The following ARHGAP6 variants were observed in gnomAD, a reference collection of about 807,000 sequenced individuals.
ARHGAP6 encodes the protein rho GTPase-activating protein 6.
ARHGAP6 carries 16 observed loss-of-function variants against 55.7 expected under a neutral mutation model. The ratio of observed to expected loss-of-function variants is 0.29; its 90% CI spans 0.19 to 0.44. ARHGAP6 has a LOEUF of 0.44. Among genes scored for constraint, ARHGAP6 ranks in the 20% least tolerant of loss-of-function variants. The pLI is 1.00. For synonymous variants in ARHGAP6, 382 were observed against 360.9 expected (o/e 1.06, Z -0.66); for missense variants, 698 against 808.9 (o/e 0.86, Z 1.66).
intron 1 of ARHGAP6, among the ~76,000 whole-genome samples, chrX:11,438,392 T>C (rs1447462198): frequency 8.9e-6 from 1 of 112,796 alleles, no homozygotes; most frequent in Non-Finnish European, 1.9e-5. Context: ...CACTGTTTCA[T>C]CAATCATTTC....
At chrX:11,515,854 C>A (rs1364951617) in intron 1 of ARHGAP6, among the ~76,000 whole-genome samples, 1 of 112,598 alleles carries the variant, frequency 8.9e-6, no homozygotes, top group Non-Finnish European at 1.9e-5. Flanking sequence ...ATTGGTATTT[C>A]TAAAACAAAA....
intron 1 of ARHGAP6, among the ~76,000 whole-genome samples, chrX:11,315,884 C>T (rs2048354870): frequency 1.8e-5 from 2 of 111,796 alleles, no homozygotes; most frequent in African/African-American, 3.3e-5. Context: ...CTGATAGTTA[C>T]CTAGTTTATA....
At chrX:11,344,678 CAAAAAAAAA>C (rs34123570) in intron 1 of ARHGAP6, among the ~76,000 whole-genome samples, 3 of 28,273 alleles carry the variant, frequency 1.1e-4, no homozygotes, top group East Asian at 1.4e-3. Context: ...AACTCCATCA[CAAAAAAAAA>C]AAAAAAAAAA....
chrX:11,356,474 C>A (rs1252043520), intron 1 of ARHGAP6, among the ~76,000 whole-genome samples: 1 of 111,672 alleles, frequency 9.0e-6, no homozygotes, highest in Non-Finnish European at 1.9e-5. Context: ...ACTTGTTTGG[C>A]AAGATGACTA....
chrX:11,488,758 A>G (rs111440615), intron 1 of ARHGAP6, among the ~76,000 whole-genome samples: 9,145 of 111,082 alleles, frequency 0.082, 411 homozygotes, highest in East Asian at 0.18. Flanking sequence ...TACTCCTTAT[A>G]AGAATCTAAC....
chrX:11,422,190 T>A (rs1260756273), intron 1 of ARHGAP6, among the ~76,000 whole-genome samples: 4 of 109,491 alleles, frequency 3.7e-5, no homozygotes, highest in African/African-American at 1.3e-4. Context: ...GGTAACTGAG[T>A]GGGCTCAGAA....
chrX:11,510,880 C>G (rs1423490471), intron 1 of ARHGAP6, among the ~76,000 whole-genome samples: 1 of 111,964 alleles, frequency 8.9e-6, no homozygotes, highest in Non-Finnish European at 1.9e-5. Context: ...TATTAAAACA[C>G]AGCCATTCTT....
At chrX:11,358,441 CTTT>C (rs1569313460) in intron 1 of ARHGAP6, among the ~76,000 whole-genome samples, 4 of 68,688 alleles carry the variant, frequency 5.8e-5, no homozygotes, top group African/African-American at 1.3e-4. Context: ...ATCTTTCTTT[CTTT>C]CTTTCTTTCT....
At chrX:11,245,951 T>TAGTA (rs1230665326) in intron 2 of ARHGAP6, among the ~76,000 whole-genome samples, 1 of 112,051 alleles carries the variant, frequency 8.9e-6, no homozygotes, top group South Asian at 3.7e-4. Context: ...ATGGCTTTGA[T>TAGTA]AGTAAGATCA....
chrX:11,305,949 C>G (rs2048233488), intron 1 of ARHGAP6, among the ~76,000 whole-genome samples: 1 of 111,872 alleles, frequency 8.9e-6, no homozygotes, highest in African/African-American at 3.3e-5. Flanking sequence ...ATCTGACAGA[C>G]CCAGGCCATC....
At chrX:11,531,282 T>G (rs969995834) in intron 1 of ARHGAP6, among the ~76,000 whole-genome samples, 2 of 111,774 alleles carry the variant, frequency 1.8e-5, no homozygotes, top group Non-Finnish European at 3.8e-5. Context: ...TTAATGCCCT[T>G]CGTATATATT....
chrX:11,375,277 T>C (rs910035650), intron 1 of ARHGAP6, among the ~76,000 whole-genome samples: 6 of 112,273 alleles, frequency 5.3e-5, no homozygotes, highest in Admixed American at 9.5e-5. Flanking sequence ...CATCATTCTC[T>C]GCAATGTCCA....
intron 1 of ARHGAP6, among the ~76,000 whole-genome samples, chrX:11,352,388 G>A (rs1399086162): frequency 1.8e-5 from 2 of 112,203 alleles, no homozygotes; most frequent in African/African-American, 6.5e-5. Flanking sequence ...TGGTCATGCT[G>A]AAGCAGGTAC....
At chrX:11,456,827 C>T (rs921676239) in intron 1 of ARHGAP6, among the ~76,000 whole-genome samples, 6 of 112,065 alleles carry the variant, frequency 5.4e-5, no homozygotes, top group African/African-American at 1.9e-4. Context: ...AAATAGAAAA[C>T]GTGTCTTGCC....
At chrX:11,538,533 T>C (rs1231882997) in intron 1 of ARHGAP6, among the ~76,000 whole-genome samples, 1 of 111,646 alleles carries the variant, frequency 9.0e-6, no homozygotes, top group Non-Finnish European at 1.9e-5. Context: ...TTTATGCAGA[T>C]TTCAGGAAGA....
intron 10 of ARHGAP6, among the ~76,000 whole-genome samples, chrX:11,153,999 T>C (rs986501480): frequency 9.2e-6 from 1 of 108,982 alleles, no homozygotes; most frequent in African/African-American, 3.4e-5. Flanking sequence ...GAGTGTGATG[T>C]TCCCCTTCCT....
intron 1 of ARHGAP6, among the ~76,000 whole-genome samples, chrX:11,355,330 A>G (rs1473824597): frequency 8.9e-6 from 1 of 112,516 alleles, no homozygotes; most frequent in Non-Finnish European, 1.9e-5. Context: ...AGTTCTGAAG[A>G]GGGTAGTGAG....
intron 1 of ARHGAP6, among the ~76,000 whole-genome samples, chrX:11,376,413 C>A (rs1214169217): frequency 8.9e-6 from 1 of 112,617 alleles, no homozygotes; most frequent in Non-Finnish European, 1.9e-5. Flanking sequence ...CACAAAGGCA[C>A]AGGGAGATGC....
chrX:11,637,331 C>A (rs1040388492), intron 1 of ARHGAP6, among the ~76,000 whole-genome samples: 5 of 111,304 alleles, frequency 4.5e-5, no homozygotes, highest in African/African-American at 1.6e-4. Flanking sequence ...CAGGGCAATT[C>A]CACTAAACTC....
Sources: gnomAD v4.1 joint callset for allele counts (sites outside exome capture counted in the v4.1 genomes callset) on GRCh38, gnomAD v4.1.1 for gene constraint, MANE v1.5 for transcripts, NCBI Gene and HGNC (gene_info 2026-07-23, HGNC 2026-07-21) for gene names.